Variants in AGBL4 observed in about 807,000 individuals in gnomAD.
AGBL4 encodes cytosolic carboxypeptidase 6.
AGBL4 carries 58 observed loss-of-function variants against 66.4 expected under a neutral mutation model. The observed-to-expected ratio is 0.87, with a 90% CI of 0.71 to 1.09. AGBL4 has a LOEUF of 1.09. Ranked by LOEUF, AGBL4 falls within the 50% of genes least tolerant of loss-of-function variation. The probability of loss-of-function intolerance (pLI) is 0.00; values close to 1 mark genes in which losing one functional copy is unlikely to be tolerated. For synonymous variants in AGBL4, 234 were observed against 222.9 expected, an observed-to-expected ratio of 1.05 and a Z score of -0.44; for missense variants, 579 against 631.0, an observed-to-expected ratio of 0.92 and a Z score of 0.88.
intron 2 of AGBL4, among the ~76,000 whole-genome samples, chr1:49,757,253 A>G (rs1265546511): frequency 1.3e-5 from 2 of 152,194 alleles, no homozygotes; most frequent in Admixed American, 1.3e-4. Flanking sequence ...AGCCATGCAA[A>G]ACTGAGAGTC....
chr1:49,105,687 A>G (rs967468685), intron 4 of AGBL4, among the ~76,000 whole-genome samples: 9 of 152,154 alleles, frequency 5.9e-5, no homozygotes, highest in African/African-American at 1.9e-4. Context: ...ATGTTCCTCA[A>G]TCTCGCTGAG....
At chr1:48,834,095 T>C (rs563608679) in intron 6 of AGBL4, among the ~76,000 whole-genome samples, 1 of 152,324 alleles carries the variant, frequency 6.6e-6, no homozygotes, top group East Asian at 1.9e-4. Flanking sequence ...ACCTCTTTCT[T>C]CCTTCCGATT....
At chr1:49,672,921 C>CA (rs60612868) in intron 3 of AGBL4, among the ~76,000 whole-genome samples, 2,149 of 46,682 alleles carry the variant, frequency 0.046, 38 homozygotes, top group Non-Finnish European at 0.066. Flanking sequence ...AACTCCATCT[C>CA]AAAAAAAAAA....
chr1:49,866,798 C>A (rs1557526771), intron 1 of AGBL4, among the ~76,000 whole-genome samples: 6 of 145,846 alleles, frequency 4.1e-5, no homozygotes, highest in Non-Finnish European at 9.1e-5. Context: ...CCAAGAATTT[C>A]TTTTTTTTTT....
chr1:48,860,026 T>C (rs1340124510), intron 6 of AGBL4, among the ~76,000 whole-genome samples: 1 of 152,226 alleles, frequency 6.6e-6, no homozygotes, highest in East Asian at 1.9e-4. Context: ...ATAGTTTATA[T>C]GGTATCATTC....
intron 3 of AGBL4, among the ~76,000 whole-genome samples, chr1:49,632,618 G>A (rs1645592608): frequency 1.3e-5 from 2 of 152,172 alleles, no homozygotes; most frequent in Non-Finnish European, 2.9e-5. Flanking sequence ...ACACAAAGGA[G>A]ATACTCCTAT....
chr1:48,566,474 G>A (rs2148307211), intron 11 of AGBL4, among the ~76,000 whole-genome samples: 1 of 152,330 alleles, frequency 6.6e-6, no homozygotes, highest in African/African-American at 2.4e-5. Context: ...ATGTAGTCAA[G>A]TTCAGACTCT....
intron 3 of AGBL4, among the ~76,000 whole-genome samples, chr1:49,428,174 TACTA>T (rs1645708487): frequency 6.6e-6 from 1 of 152,210 alleles, no homozygotes; most frequent in Non-Finnish European, 1.5e-5. Context: ...TATTTTTAGT[TACTA>T]ACTTTTTTTC....
At chr1:49,241,500 T>C (rs965641371) in intron 4 of AGBL4, among the ~76,000 whole-genome samples, 3 of 152,078 alleles carry the variant, frequency 2.0e-5, no homozygotes, top group African/African-American at 7.2e-5. Context: ...TATGTAGTAT[T>C]TAAATTATAA....
At chr1:49,613,666 C>A (rs568288699) in intron 3 of AGBL4, among the ~76,000 whole-genome samples, 1 of 152,226 alleles carries the variant, frequency 6.6e-6, no homozygotes, top group Admixed American at 6.5e-5. Flanking sequence ...TCACTGTCTC[C>A]CATCACCCCC....
intron 6 of AGBL4, among the ~76,000 whole-genome samples, chr1:48,764,588 A>C (rs1053272457): frequency 6.6e-6 from 1 of 152,202 alleles, no homozygotes; most frequent in African/African-American, 2.4e-5. Context: ...ACTAGAAAAT[A>C]AGTGGCCTTG....
intron 2 of AGBL4, among the ~76,000 whole-genome samples, chr1:49,814,498 A>ATCT (rs1351749927): frequency 1.3e-5 from 2 of 152,130 alleles, no homozygotes; most frequent in Admixed American, 1.3e-4. Context: ...CTGACCCAGG[A>ATCT]GACACTATAT....
intron 3 of AGBL4, among the ~76,000 whole-genome samples, chr1:49,421,629 T>C (rs1208759587): frequency 6.6e-6 from 1 of 152,136 alleles, no homozygotes; most frequent in African/African-American, 2.4e-5. Flanking sequence ...ATAATAATAA[T>C]AGTTAATGTT....
intron 1 of AGBL4, among the ~76,000 whole-genome samples, chr1:49,976,256 T>C (rs1304216879): frequency 6.6e-6 from 1 of 152,226 alleles, no homozygotes; most frequent in Admixed American, 6.5e-5. Context: ...CCAGGTCATC[T>C]TTTCTATGTT....
At chr1:49,215,731 G>A (rs1251315322) in intron 4 of AGBL4, among the ~76,000 whole-genome samples, 1 of 151,800 alleles carries the variant, frequency 6.6e-6, no homozygotes, top group Non-Finnish European at 1.5e-5. Context: ...TCTTCACCTC[G>A]ACCGCGTTTG....
intron 3 of AGBL4, among the ~76,000 whole-genome samples, chr1:49,372,594 CTTTTCT>C (rs201562209): frequency 2.7e-5 from 4 of 150,114 alleles, no homozygotes; most frequent in Admixed American, 1.3e-4. Context: ...TTCTTTCTTT[CTTTTCT>C]TTTTCTTTTT....
intron 6 of AGBL4, among the ~76,000 whole-genome samples, chr1:48,841,743 C>T (rs1360421106): frequency 6.6e-6 from 1 of 152,094 alleles, no homozygotes; most frequent in African/African-American, 2.4e-5. Context: ...GGATCCTTAT[C>T]TCTTCTTGCC....
At chr1:49,849,844 T>C (rs2148060284) in intron 2 of AGBL4, among the ~76,000 whole-genome samples, 1 of 152,284 alleles carries the variant, frequency 6.6e-6, no homozygotes, top group South Asian at 2.1e-4. Flanking sequence ...AGGCTGTATG[T>C]AAATCAAGAC....
At chr1:49,105,104 A>G (rs1571458899) in intron 4 of AGBL4, among the ~76,000 whole-genome samples, 1 of 152,146 alleles carries the variant, frequency 6.6e-6, no homozygotes, top group East Asian at 1.9e-4. Flanking sequence ...TTATTTATTT[A>G]TTTTAGGCAT....
Sources: allele counts gnomAD v4.1 joint callset (sites outside exome capture counted in the v4.1 genomes callset), GRCh38; gene constraint gnomAD v4.1.1; transcripts MANE v1.5; gene names NCBI Gene and HGNC (gene_info 2026-07-23, HGNC 2026-07-21).